The following AUTS2 variants were observed in gnomAD, a reference collection of about 807,000 sequenced individuals.
The protein encoded by AUTS2 is autism susceptibility gene 2 protein.
Under a neutral mutation model 112.4 loss-of-function variants are expected in AUTS2, and 17 were observed. That is an observed-to-expected ratio of 0.15 (90% CI 0.10 to 0.23). The LOEUF is 0.23. AUTS2 is among the 10% of genes least tolerant of loss of function. The pLI is 1.00. For synonymous variants in AUTS2, 751 were observed against 702.7 expected, an observed-to-expected ratio of 1.07 and a Z score of -1.09; for missense variants, 1,510 against 1,701.6, an observed-to-expected ratio of 0.89 and a Z score of 1.98.
At chr7:70,097,500 T>G (rs1804267666) in intron 2 of AUTS2, among the ~76,000 whole-genome samples, 1 of 152,240 alleles carries the variant, frequency 6.6e-6, no homozygotes, top group Non-Finnish European at 1.5e-5. Context: ...GCACTTCCAC[T>G]AATTCCACAT....
intron 5 of AUTS2, among the ~76,000 whole-genome samples, chr7:70,649,500 T>TTTTTATTTATTTA (rs1554451097): frequency 2.8e-5 from 4 of 143,814 alleles, no homozygotes; most frequent in African/African-American, 7.7e-5. Context: ...TGGTGATTTA[T>TTTTTATTTATTTA]TTTATTTATT....
chr7:69,602,369 A>T (rs1203762169), intron 1 of AUTS2, among the ~76,000 whole-genome samples: 1 of 152,100 alleles, frequency 6.6e-6, no homozygotes, highest in African/African-American at 2.4e-5. Context: ...TCACCTTCAT[A>T]TCTAAATATC....
intron 4 of AUTS2, among the ~76,000 whole-genome samples, chr7:70,364,735 A>G (rs1792488289): frequency 6.6e-6 from 1 of 152,168 alleles, no homozygotes; most frequent in African/African-American, 2.4e-5. Context: ...TTCATTATAA[A>G]GAACTCTTTC....
In AUTS2 at chr7:70,110,932, C is replaced by G. The variant is rs1380421869; in HGVS notation, c.523-7200C>G. Among the ~76,000 whole-genome samples the G allele has an allele frequency of 2.1e-5, 3 of 140,580 alleles. No individual in the cohort carries two copies. The South Asian group carries it at 6.7e-4, about 31-fold the overall frequency. The allele number at this position is 140,580 out of a possible 152,430, so 92.2% of individuals were successfully genotyped here. On this transcript the variant is annotated intron_variant, in intron 2 of 18. Coordinates refer to ENST00000342771, the MANE Select transcript of AUTS2 (RefSeq NM_015570.4). ...AGTCGCCCAGGCTGGAGCGCAGTGG[C>G]GCGATCTCAGCTCACTGCAAGCTCC...
At chr7:70,078,224 G>GTT (rs11443020) in intron 2 of AUTS2, among the ~76,000 whole-genome samples, 3 of 151,154 alleles carry the variant, frequency 2.0e-5, no homozygotes, top group East Asian at 3.9e-4. Flanking sequence ...TTTCCATACT[G>GTT]TTTTTTTTTA....
Position 69,880,491 on chromosome 7 carries a change from T to G in AUTS2, c.310-18795T>G, listed in dbSNP as rs537741571. Among the ~76,000 whole-genome samples, 54 of 152,288 alleles carry G rather than the reference T, an allele frequency of 3.5e-4. 1 individual carries two copies. The highest frequency in any genetic ancestry group is 1.1e-3 in the African/African-American group (47 of 41,572). On this transcript the variant is annotated intron_variant, in intron 1 of 18. Coordinates refer to ENST00000342771, the MANE Select transcript of AUTS2 (RefSeq NM_015570.4). ...ACCACCATCCTCCTCCTCATCATCA[T>G]AATTATCTATCCAGAGGATCATGTG...
intron 1 of AUTS2, among the ~76,000 whole-genome samples, chr7:69,871,669 G>A (rs898718352): frequency 1.3e-5 from 2 of 152,126 alleles, no homozygotes; most frequent in Non-Finnish European, 2.9e-5. Flanking sequence ...ACTGATCTGA[G>A]ACGGCTACTA....
chr7:70,116,550 C>T (rs563261203), intron 2 of AUTS2, among the ~76,000 whole-genome samples: 79 of 152,114 alleles, frequency 5.2e-4, no homozygotes, highest in Non-Finnish European at 1.0e-3. Flanking sequence ...AAAAATGGAG[C>T]TTATGTTTAG....
At chr7:69,634,898 T>C (rs1047368382) in intron 1 of AUTS2, among the ~76,000 whole-genome samples, 1 of 152,214 alleles carries the variant, frequency 6.6e-6, no homozygotes, top group Non-Finnish European at 1.5e-5. Flanking sequence ...TGGTGACCTT[T>C]GAGGGCTCTC....
chr7:70,445,732 T>C (rs1796293511), intron 5 of AUTS2, among the ~76,000 whole-genome samples: 3 of 152,228 alleles, frequency 2.0e-5, no homozygotes, highest in Admixed American at 2.0e-4. Context: ...GAACTCAGTC[T>C]TCCTTTAAGT....
intron 2 of AUTS2, among the ~76,000 whole-genome samples, chr7:69,993,340 C>T (rs906358467): frequency 3.3e-5 from 5 of 152,240 alleles, no homozygotes; most frequent in African/African-American, 7.2e-5. Flanking sequence ...TCAGCATTCC[C>T]GAAACTGCTG....
intron 6 of AUTS2, among the ~76,000 whole-genome samples, chr7:70,718,889 G>A (rs1180734729): frequency 2.0e-5 from 3 of 151,904 alleles, no homozygotes; most frequent in South Asian, 2.1e-4. Flanking sequence ...GAGTGAAATC[G>A]ACTGTTTCTT....
At chr7:70,568,814 C>G (rs1257651781) in intron 5 of AUTS2, among the ~76,000 whole-genome samples, 2 of 152,240 alleles carry the variant, frequency 1.3e-5, no homozygotes, top group Non-Finnish European at 2.9e-5. Context: ...ACCAGTGTTC[C>G]ATTTGTGTGT....
chr7:69,855,293 A>G (rs925534630), intron 1 of AUTS2, among the ~76,000 whole-genome samples: 29 of 152,198 alleles, frequency 1.9e-4, no homozygotes, highest in African/African-American at 6.5e-4. Context: ...TTGTTGTGAA[A>G]TTAACATTTT....
chr7:70,672,004 C>G (rs1807669102), intron 5 of AUTS2, among the ~76,000 whole-genome samples: 1 of 152,208 alleles, frequency 6.6e-6, no homozygotes, highest in Non-Finnish European at 1.5e-5. Context: ...ACAGGGAAGA[C>G]AGAGCAGCCT....
At chr7:69,742,167 T>A (rs1787298680) in intron 1 of AUTS2, among the ~76,000 whole-genome samples, 1 of 151,440 alleles carries the variant, frequency 6.6e-6, no homozygotes, top group African/African-American at 2.4e-5. Flanking sequence ...GATTTACCTA[T>A]GTATTTGACA....
intron 4 of AUTS2, among the ~76,000 whole-genome samples, chr7:70,358,246 G>T (rs1229493077): frequency 6.6e-6 from 1 of 152,168 alleles, no homozygotes; most frequent in African/African-American, 2.4e-5. Context: ...CCCAAATGGA[G>T]GGAAAGGATT....
At chr7:70,784,862 C>T in intron 15 of AUTS2, 80 bp from the exon 16 acceptor site, 1 of 1,274,848 alleles carries the variant, frequency 7.8e-7, no homozygotes, top group Non-Finnish European at 1.1e-6. Flanking sequence ...TCTCACGGGG[C>T]CCTTAAGCAA....
At chr7:70,750,915 A>G (rs372975816) in intron 6 of AUTS2, among the ~76,000 whole-genome samples, 9 of 152,088 alleles carry the variant, frequency 5.9e-5, no homozygotes, top group East Asian at 3.9e-4. Flanking sequence ...TGGTAAAGTC[A>G]TAAGTGTTGA....
Sources: gnomAD v4.1 joint callset for allele counts (sites outside exome capture counted in the v4.1 genomes callset) on GRCh38, gnomAD v4.1.1 for gene constraint, MANE v1.5 for transcripts, NCBI Gene and HGNC (gene_info 2026-07-23, HGNC 2026-07-21) for gene names.